PDE4D: variants seen among roughly 807,000 people sequenced by gnomAD.
PDE4D encodes the protein phosphodiesterase 4D.
Under a neutral mutation model 87.4 loss-of-function variants are expected in PDE4D, and 24 were observed. The ratio of observed to expected loss-of-function variants is 0.27; its 90% CI spans 0.20 to 0.39. PDE4D has a LOEUF of 0.39. Among genes scored for constraint, PDE4D ranks in the 10% least tolerant of loss-of-function variants. The pLI is 1.00. For missense variants in PDE4D, 714 were observed against 1,041.0 expected (o/e 0.69, Z 4.32); for synonymous variants, 384 against 383.2 (o/e 1.00, Z -0.02).
At chr5:59,644,801 G>A (rs1270665403) in intron 1 of PDE4D, among the ~76,000 whole-genome samples, 1 of 152,178 alleles carries the variant, frequency 6.6e-6, no homozygotes, top group Non-Finnish European at 1.5e-5. Flanking sequence ...GTTACAAATA[G>A]CACATTCTGT....
intron 1 of PDE4D, among the ~76,000 whole-genome samples, chr5:60,269,093 C>T (rs1279205410): frequency 6.6e-6 from 1 of 152,136 alleles, no homozygotes; most frequent in Non-Finnish European, 1.5e-5. Context: ...CACCTGAAGT[C>T]AGGAGTTCAA....
intron 1 of PDE4D, among the ~76,000 whole-genome samples, chr5:59,424,387 C>T (rs1409465881): frequency 1.3e-5 from 2 of 152,102 alleles, no homozygotes; most frequent in East Asian, 1.9e-4. Flanking sequence ...CTTCATAAAA[C>T]GTGTTCTTTG....
At chr5:60,314,732 C>T (rs756388022) in intron 1 of PDE4D, among the ~76,000 whole-genome samples, 20 of 151,942 alleles carry the variant, frequency 1.3e-4, no homozygotes, top group East Asian at 7.7e-4. Flanking sequence ...TGACAACATG[C>T]GGTGTTTGGG....
chr5:59,325,723 T>C (rs1267450639), intron 1 of PDE4D, among the ~76,000 whole-genome samples: 3 of 152,170 alleles, frequency 2.0e-5, no homozygotes, highest in Non-Finnish European at 2.9e-5. Context: ...GTAGAACTTG[T>C]ATGTAGAATT....
At chr5:59,923,334 T>C (rs1170668441) in intron 3 of PDE4D, among the ~76,000 whole-genome samples, 1 of 152,168 alleles carries the variant, frequency 6.6e-6, no homozygotes, top group Admixed American at 6.5e-5. Flanking sequence ...TACCTGCTGA[T>C]TGTAGAGCCT....
intron 5 of PDE4D, among the ~76,000 whole-genome samples, chr5:59,045,556 CAA>C (rs36051277): frequency 0.32 from 22,747 of 70,820 alleles, 1,743 homozygotes; most frequent in Middle Eastern, 0.36. Flanking sequence ...AACTCTGTCT[CAA>C]AAAAAAAAAA....
intron 1 of PDE4D, among the ~76,000 whole-genome samples, chr5:60,435,548 A>G (rs1421559381): frequency 6.6e-6 from 1 of 152,078 alleles, no homozygotes; most frequent in African/African-American, 2.4e-5. Context: ...TTAGAAGTCT[A>G]TGGAGCATGT....
At chr5:60,066,913 C>A (rs1382575807) in intron 2 of PDE4D, among the ~76,000 whole-genome samples, 1 of 152,082 alleles carries the variant, frequency 6.6e-6, no homozygotes. Flanking sequence ...ATTATGTGGT[C>A]ATCTGTCACC....
At chr5:59,256,520 C>T (rs936780160) in intron 1 of PDE4D, among the ~76,000 whole-genome samples, 3 of 151,970 alleles carry the variant, frequency 2.0e-5, no homozygotes, top group East Asian at 1.9e-4. Context: ...CCAATTATAC[C>T]ATTTGAATTT....
chr5:59,236,708 A>G (rs1256343992), intron 1 of PDE4D, among the ~76,000 whole-genome samples: 1 of 152,000 alleles, frequency 6.6e-6, no homozygotes, highest in East Asian at 1.9e-4. Flanking sequence ...CCCTGCCCAC[A>G]TGCCCAGCTC....
At chr5:60,392,249 G>A (rs967024873) in intron 1 of PDE4D, among the ~76,000 whole-genome samples, 23 of 152,162 alleles carry the variant, frequency 1.5e-4, no homozygotes, top group Admixed American at 1.2e-3. Flanking sequence ...TCACTTGCAA[G>A]TTTGAACAAA....
At chr5:60,457,755 C>T (rs1016944946) in intron 1 of PDE4D, among the ~76,000 whole-genome samples, 4 of 152,084 alleles carry the variant, frequency 2.6e-5, no homozygotes, top group Admixed American at 6.6e-5. Context: ...TTAACTCTTC[C>T]GAGTCTCAAT....
At chr5:59,082,800 T>C (rs1354347602) in intron 5 of PDE4D, among the ~76,000 whole-genome samples, 3 of 152,184 alleles carry the variant, frequency 2.0e-5, no homozygotes, top group Non-Finnish European at 2.9e-5. Context: ...AAAAGGCTCT[T>C]AATTATGCAA....
At chr5:59,689,537 C>T (rs1403850053) in intron 1 of PDE4D, among the ~76,000 whole-genome samples, 3 of 152,132 alleles carry the variant, frequency 2.0e-5, no homozygotes, top group Non-Finnish European at 4.4e-5. Context: ...ATGCTAAAAA[C>T]TCTCAATAAA....
intron 1 of PDE4D, among the ~76,000 whole-genome samples, chr5:59,414,845 G>A (rs74350877): frequency 0.013 from 2,042 of 152,344 alleles, 52 homozygotes; most frequent in African/African-American, 0.047. Context: ...GGCCATGACA[G>A]CACAAGGAAG....
At chr5:60,052,679 T>C (rs1770319986) in intron 2 of PDE4D, among the ~76,000 whole-genome samples, 2 of 152,210 alleles carry the variant, frequency 1.3e-5, no homozygotes, top group Non-Finnish European at 1.5e-5. Flanking sequence ...GTATTGGAAG[T>C]TCTGGCCAGG....
chr5:59,691,991 G>A (rs1751029526), intron 1 of PDE4D, among the ~76,000 whole-genome samples: 1 of 152,028 alleles, frequency 6.6e-6, no homozygotes, highest in East Asian at 1.9e-4. Context: ...ATATAAATTG[G>A]CTATAAGTAG....
At chr5:60,132,014 C>T (rs373834098) in intron 2 of PDE4D, among the ~76,000 whole-genome samples, 2 of 152,236 alleles carry the variant, frequency 1.3e-5, no homozygotes, top group East Asian at 1.9e-4. Flanking sequence ...TCCAGAAATT[C>T]GATAAAATCT....
chr5:60,484,083 T>A (rs1309158459), intron 1 of PDE4D, among the ~76,000 whole-genome samples: 1 of 152,144 alleles, frequency 6.6e-6, no homozygotes, highest in Middle Eastern at 3.2e-3. Flanking sequence ...TTTTGACCAT[T>A]CATTGCATCC....
Sources: allele counts gnomAD v4.1 joint callset (sites outside exome capture counted in the v4.1 genomes callset), GRCh38; gene constraint gnomAD v4.1.1; transcripts MANE v1.5; gene names NCBI Gene and HGNC (gene_info 2026-07-23, HGNC 2026-07-21).